The following RBMS3 variants were observed in gnomAD, a reference collection of about 807,000 sequenced individuals.
RBMS3 encodes the protein RNA binding motif single stranded interacting protein 3.
A neutral mutation model predicts 66.8 loss-of-function variants in RBMS3; 27 were observed. The observed-to-expected ratio is 0.40, with a 90% CI of 0.30 to 0.56. RBMS3 has a LOEUF of 0.56. RBMS3 is among the 20% of genes least tolerant of loss of function. The pLI is 0.40. For missense variants in RBMS3, 513 were observed against 549.5 expected (o/e 0.93, Z 0.66); for synonymous variants, 188 against 183.0 (o/e 1.03, Z -0.22).
intron 8 of RBMS3, among the ~76,000 whole-genome samples, chr3:29,891,782 C>G (rs1330414578): frequency 6.6e-6 from 1 of 151,400 alleles, no homozygotes; most frequent in Non-Finnish European, 1.5e-5. Context: ...GAAACCTTAT[C>G]TTATTACACT....
intron 1 of RBMS3, among the ~76,000 whole-genome samples, chr3:29,346,284 C>T (rs1271083451): frequency 2.0e-5 from 3 of 152,040 alleles, no homozygotes; most frequent in Non-Finnish European, 4.4e-5. Flanking sequence ...CAACCAAAGC[C>T]ATATTTTTAA....
intron 1 of RBMS3, chr3:29,290,758 A>G (rs1321729012): frequency 1.3e-5 from 2 of 151,852 alleles, no homozygotes; most frequent in Non-Finnish European, 2.9e-5. Context: ...TTGAGCTGGA[A>G]AAACACAAGA....
chr3:29,742,383 T>C (rs1559626017), intron 5 of RBMS3, among the ~76,000 whole-genome samples: 1 of 152,148 alleles, frequency 6.6e-6, no homozygotes, highest in Non-Finnish European at 1.5e-5. Flanking sequence ...TCCTTCAACA[T>C]TTCACTTGCC....
At chr3:29,334,330 G>T (rs1255911616) in intron 1 of RBMS3, among the ~76,000 whole-genome samples, 1 of 152,142 alleles carries the variant, frequency 6.6e-6, no homozygotes, top group African/African-American at 2.4e-5. Flanking sequence ...TGAAAAAAAT[G>T]AAGAGGTTAG....
chr3:29,392,127 G>A (rs2039327521), intron 1 of RBMS3, among the ~76,000 whole-genome samples: 2 of 152,150 alleles, frequency 1.3e-5, no homozygotes, highest in South Asian at 2.1e-4. Flanking sequence ...GCACAAGCCT[G>A]TAGTCCCAGC....
intron 10 of RBMS3, among the ~76,000 whole-genome samples, chr3:29,915,041 T>A (rs1357436293): frequency 6.6e-6 from 1 of 151,852 alleles, no homozygotes; most frequent in African/African-American, 2.4e-5. Flanking sequence ...CGTTTATTTA[T>A]CTTGTTGTTT....
At chr3:29,816,310 AGACACACAC>A (rs2057899158) in intron 6 of RBMS3, among the ~76,000 whole-genome samples, 1 of 39,364 alleles carries the variant, frequency 2.5e-5, no homozygotes, top group African/African-American at 9.3e-5. Context: ...AGACACACAC[AGACACACAC>A]ACACACACAC....
chr3:29,577,406 G>A (rs1257440363), intron 3 of RBMS3, among the ~76,000 whole-genome samples: 3 of 152,112 alleles, frequency 2.0e-5, no homozygotes, highest in Admixed American at 6.5e-5. Flanking sequence ...TAGCTGCCCC[G>A]GCTGGTGTCT....
intron 6 of RBMS3, among the ~76,000 whole-genome samples, chr3:29,838,243 G>A (rs1029491546): frequency 6.6e-6 from 1 of 151,844 alleles, no homozygotes; most frequent in Non-Finnish European, 1.5e-5. Flanking sequence ...GGAGGCCAGG[G>A]TGGGAGAATT....
intron 4 of RBMS3, among the ~76,000 whole-genome samples, chr3:29,673,476 TA>T (rs201846079): frequency 0.038 from 5,553 of 147,768 alleles, 334 homozygotes; most frequent in African/African-American, 0.13. Context: ...TTTTTTTTTT[TA>T]AAAGATCAAC....
chr3:29,294,562 A>C (rs1264264396), intron 1 of RBMS3, among the ~76,000 whole-genome samples: 8 of 151,836 alleles, frequency 5.3e-5, no homozygotes. Context: ...AGGATTTGGA[A>C]CTGGGGGATG....
chr3:29,544,842 A>C (rs1242611883), intron 3 of RBMS3, among the ~76,000 whole-genome samples: 2 of 152,168 alleles, frequency 1.3e-5, no homozygotes, highest in Admixed American at 6.5e-5. Flanking sequence ...CAGATAACAG[A>C]TGGGATTTGG....
chr3:29,795,809 C>T (rs1451294466), intron 6 of RBMS3, among the ~76,000 whole-genome samples: 1 of 152,166 alleles, frequency 6.6e-6, no homozygotes, highest in Non-Finnish European at 1.5e-5. Flanking sequence ...GAATATTAGG[C>T]TGACCCATCA....
At chr3:29,800,838 T>C (rs922729556) in intron 6 of RBMS3, among the ~76,000 whole-genome samples, 4 of 152,036 alleles carry the variant, frequency 2.6e-5, no homozygotes, top group Admixed American at 2.6e-4. Flanking sequence ...TATCACAGTA[T>C]TTTGCTCTTT....
chr3:29,609,819 C>T (rs2048434880), intron 4 of RBMS3, among the ~76,000 whole-genome samples: 1 of 152,000 alleles, frequency 6.6e-6, no homozygotes, highest in Admixed American at 6.6e-5. Context: ...ATGTCAGTGT[C>T]AGGATGTGCA....
intron 14 of RBMS3, among the ~76,000 whole-genome samples, chr3:30,002,285 G>A (rs563924114): frequency 5.3e-5 from 8 of 152,054 alleles, no homozygotes; most frequent in Middle Eastern, 3.4e-3. Flanking sequence ...ATCATTCACT[G>A]AGCAGCTGCT....
chr3:29,461,097 A>G (rs1408181488), intron 2 of RBMS3, among the ~76,000 whole-genome samples: 1 of 152,170 alleles, frequency 6.6e-6, no homozygotes, highest in East Asian at 1.9e-4. Flanking sequence ...TCATTTTCCA[A>G]CTTGATTTTC....
At chr3:29,561,426 GTTGTTT>G (rs1183680923) in intron 3 of RBMS3, among the ~76,000 whole-genome samples, 30 of 142,328 alleles carry the variant, frequency 2.1e-4, no homozygotes, top group African/African-American at 8.4e-4. Flanking sequence ...GCCAGCATCT[GTTGTTT>G]TTGTTGTTGT....
At chr3:29,498,195 A>G (rs1185893023) in intron 3 of RBMS3, among the ~76,000 whole-genome samples, 1 of 151,392 alleles carries the variant, frequency 6.6e-6, no homozygotes, top group Non-Finnish European at 1.5e-5. Context: ...GGGTTTCACC[A>G]TGTTAACCTG....
Sources: allele counts gnomAD v4.1 joint callset (sites outside exome capture counted in the v4.1 genomes callset), GRCh38; gene constraint gnomAD v4.1.1; transcripts MANE v1.5; gene names NCBI Gene and HGNC (gene_info 2026-07-23, HGNC 2026-07-21).